The following SNTB1 variants were observed in gnomAD, a reference collection of about 807,000 sequenced individuals.
SNTB1 encodes beta-1-syntrophin.
A neutral mutation model predicts 48.9 loss-of-function variants in SNTB1; 36 were observed. The observed-to-expected ratio is 0.74, with a 90% CI of 0.56 to 0.97. SNTB1 has a LOEUF of 0.97. Among genes scored for constraint, SNTB1 ranks in the 50% least tolerant of loss-of-function variants. The probability of loss-of-function intolerance (pLI) is 0.00; values close to 1 mark genes in which losing one functional copy is unlikely to be tolerated. For missense variants in SNTB1, 786 were observed against 703.4 expected (o/e 1.12, Z -1.33); for synonymous variants, 299 against 294.6 (o/e 1.01, Z -0.15).
At chr8:120,790,386 G>C (rs927462999) in intron 1 of SNTB1, among the ~76,000 whole-genome samples, 2 of 151,986 alleles carry the variant, frequency 1.3e-5, no homozygotes, top group Non-Finnish European at 2.9e-5. Context: ...ATCCTAGACA[G>C]AGCAATCAGG....
chr8:120,779,233 G>T (rs769163058), intron 1 of SNTB1, among the ~76,000 whole-genome samples: 1 of 152,204 alleles, frequency 6.6e-6, no homozygotes, highest in Non-Finnish European at 1.5e-5. Context: ...GGCTGGGCGT[G>T]GTGGCTCATG....
At chr8:120,670,920 T>C (rs554023213) in intron 2 of SNTB1, among the ~76,000 whole-genome samples, 4 of 152,348 alleles carry the variant, frequency 2.6e-5, no homozygotes, top group Admixed American at 6.5e-5. Flanking sequence ...CCCAGAGACA[T>C]TAGGTAAAAT....
chr8:120,560,469 C>T (rs7828280), intron 4 of SNTB1, among the ~76,000 whole-genome samples: 19 of 151,946 alleles, frequency 1.3e-4, no homozygotes, highest in African/African-American at 4.6e-4. Flanking sequence ...GGCGACAGAG[C>T]GAGACTTCGT....
At chr8:120,746,751 A>C (rs1819131849) in intron 1 of SNTB1, among the ~76,000 whole-genome samples, 2 of 152,244 alleles carry the variant, frequency 1.3e-5, no homozygotes, top group African/African-American at 4.8e-5. Flanking sequence ...CAGTATAATA[A>C]ACATTCAGTA....
chr8:120,756,223 G>A (rs1819315308), intron 1 of SNTB1, among the ~76,000 whole-genome samples: 2 of 152,108 alleles, frequency 1.3e-5, no homozygotes, highest in Admixed American at 6.6e-5. Flanking sequence ...TGACATTAAA[G>A]CATCTATTTA....
intron 3 of SNTB1, among the ~76,000 whole-genome samples, chr8:120,591,912 A>G (rs1190548652): frequency 2.0e-5 from 3 of 152,220 alleles, no homozygotes; most frequent in Non-Finnish European, 4.4e-5. Flanking sequence ...GTTAAAGATG[A>G]TGATGATGAT....
intron 1 of SNTB1, among the ~76,000 whole-genome samples, chr8:120,773,482 G>A (rs552504428): frequency 2.6e-5 from 4 of 152,324 alleles, no homozygotes; most frequent in African/African-American, 4.8e-5. Context: ...CAGATGAAAC[G>A]TACCAGGCCT....
intron 1 of SNTB1, among the ~76,000 whole-genome samples, chr8:120,741,365 T>C (rs1444011972): frequency 6.6e-6 from 1 of 152,162 alleles, no homozygotes; most frequent in Non-Finnish European, 1.5e-5. Context: ...TCCCAACACT[T>C]TGGGAGGCCG....
At chr8:120,685,363 A>G (rs1357822850) in intron 2 of SNTB1, among the ~76,000 whole-genome samples, 3 of 152,174 alleles carry the variant, frequency 2.0e-5, no homozygotes, top group Admixed American at 6.5e-5. Flanking sequence ...CTAGGTGGAG[A>G]TAGCCATGTC....
intron 3 of SNTB1, among the ~76,000 whole-genome samples, chr8:120,604,546 C>T (rs982244850): frequency 4.0e-5 from 6 of 151,504 alleles, no homozygotes; most frequent in Admixed American, 6.6e-5. Context: ...CTCTGCCTCC[C>T]GGGTTCAGGC....
intron 1 of SNTB1, among the ~76,000 whole-genome samples, chr8:120,800,100 T>C (rs2130175988): frequency 6.6e-6 from 1 of 152,152 alleles, no homozygotes; most frequent in Non-Finnish European, 1.5e-5. Flanking sequence ...TTCCTTGAAA[T>C]TGTAAAACAT....
chr8:120,774,058 G>A (rs140122055), intron 1 of SNTB1, among the ~76,000 whole-genome samples: 4 of 152,304 alleles, frequency 2.6e-5, no homozygotes, highest in East Asian at 3.9e-4. Context: ...AGTGGAACAG[G>A]TTCTTAAGTT....
chr8:120,744,121 A>ATTTTTTTTTTTTTTTTTTTTTT (rs35604534), intron 1 of SNTB1, among the ~76,000 whole-genome samples: 2,516 of 134,960 alleles, frequency 0.019, 83 homozygotes, highest in Admixed American at 0.034. Context: ...CCCTGTCTCA[A>ATTTTTTTTTTTTTTTTTTTTTT]TTTTTTTTTT....
chr8:120,720,908 AG>A (rs1425880527), intron 1 of SNTB1, among the ~76,000 whole-genome samples: 1 of 152,210 alleles, frequency 6.6e-6, no homozygotes, highest in African/African-American at 2.4e-5. Flanking sequence ...CTTTTCCAAG[AG>A]CCTTCTATAT....
chr8:120,798,359 T>A (rs1004145230), intron 1 of SNTB1, among the ~76,000 whole-genome samples: 2 of 152,006 alleles, frequency 1.3e-5, no homozygotes, highest in African/African-American at 2.4e-5. Flanking sequence ...AACTGGGGAC[T>A]TTTTGCCCTC....
At chr8:120,687,893 C>T (rs535148397) in intron 2 of SNTB1, among the ~76,000 whole-genome samples, 1 of 152,326 alleles carries the variant, frequency 6.6e-6, no homozygotes, top group South Asian at 2.1e-4. Context: ...TCTGCTAACA[C>T]TATGCCCACT....
chr8:120,765,923 C>T (rs1255590652), intron 1 of SNTB1: 1 of 152,250 alleles, frequency 6.6e-6, no homozygotes, highest in South Asian at 2.1e-4. Context: ...TGGAGCCACA[C>T]CTGATCACCT....
chr8:120,562,269 G>A lies in SNTB1; in HGVS notation c.1136+12817C>T, dbSNP rs376158959. Among the ~76,000 whole-genome samples, 9 of 152,150 alleles carry A rather than the reference G, an allele frequency of 5.9e-5. No individual in the cohort carries two copies. The East Asian group carries it at 7.7e-4, about 13-fold the overall frequency. On this transcript the variant is annotated intron_variant, in intron 4 of 6. Transcript: ENST00000517992. ...ACTGTATAAAATGGAAGATACTACC[G>A]CCCCCTTTGTTCAGATGAGGAGACT...
chr8:120,674,535 C>T (rs148376668), intron 2 of SNTB1, among the ~76,000 whole-genome samples: 2 of 152,358 alleles, frequency 1.3e-5, no homozygotes, highest in African/African-American at 4.8e-5. Flanking sequence ...TCATAGCACA[C>T]AGTTGCTGAA....
Sources: gnomAD v4.1 joint callset for allele counts (sites outside exome capture counted in the v4.1 genomes callset) on GRCh38, gnomAD v4.1.1 for gene constraint, MANE v1.5 for transcripts, NCBI Gene and HGNC (gene_info 2026-07-23, HGNC 2026-07-21) for gene names.